The following LRMDA variants were observed in gnomAD, a reference collection of about 807,000 sequenced individuals.
LRMDA encodes the protein leucine rich melanocyte differentiation associated, also known as leucine-rich melanocyte differentiation-associated protein.
A neutral mutation model predicts 29.8 loss-of-function variants in LRMDA; 18 were observed. The ratio of observed to expected loss-of-function variants is 0.60; its 90% confidence interval spans 0.42 to 0.90. The LOEUF (loss-of-function observed/expected upper bound fraction) is 0.90. LRMDA is among the 40% of genes least tolerant of loss of function. The probability of loss-of-function intolerance (pLI) is 0.00; values close to 1 mark genes in which losing one functional copy is unlikely to be tolerated. For synonymous variants in LRMDA, 125 were observed against 109.4 expected, an observed-to-expected ratio of 1.14 and a Z score of -0.89; for missense variants, 273 against 273.9, an observed-to-expected ratio of 1.00 and a Z score of 0.02.
At chr10:75,872,581 G>A (rs1023610780) in intron 2 of LRMDA, among the ~76,000 whole-genome samples, 2 of 152,158 alleles carry the variant, frequency 1.3e-5, no homozygotes, top group African/African-American at 4.8e-5. Context: ...TGGGATTACA[G>A]GTGTGAGCCA....
At chr10:76,240,184 ACACACACAC>A (rs1345497241) in intron 5 of LRMDA, among the ~76,000 whole-genome samples, 1 of 147,074 alleles carries the variant, frequency 6.8e-6, no homozygotes, top group African/African-American at 2.7e-5. Flanking sequence ...TCGCATACAC[ACACACACAC>A]CACACACACA....
intron 2 of LRMDA, among the ~76,000 whole-genome samples, chr10:75,666,222 A>T (rs1841820149): frequency 6.6e-6 from 1 of 152,134 alleles, no homozygotes; most frequent in African/African-American, 2.4e-5. Flanking sequence ...ATCTGAAAAA[A>T]TATCTGAATT....
intron 1 of LRMDA, 58 bp downstream of exon 1, chr10:75,431,812 C>T (rs1398609761): frequency 1.5e-6 from 2 of 1,291,990 alleles, no homozygotes; most frequent in Admixed American, 3.8e-5. Flanking sequence ...GGAGGGACAG[C>T]GGGGCACAGA....
chr10:75,483,867 G>GTTTT (rs548925147), intron 2 of LRMDA, among the ~76,000 whole-genome samples: 1,453 of 119,114 alleles, frequency 0.012, 44 homozygotes, highest in African/African-American at 0.042. Context: ...GTATGGAGAG[G>GTTTT]TTTTTTTTTT....
At chr10:75,880,143 A>G (rs764920589) in intron 2 of LRMDA, among the ~76,000 whole-genome samples, 12 of 152,190 alleles carry the variant, frequency 7.9e-5, no homozygotes, top group South Asian at 2.1e-4. Context: ...TGTTTCTTCC[A>G]GTCATTGTTA....
intron 2 of LRMDA, among the ~76,000 whole-genome samples, chr10:75,705,832 C>T (rs926283878): frequency 6.6e-6 from 1 of 152,048 alleles, no homozygotes; most frequent in Non-Finnish European, 1.5e-5. Flanking sequence ...AGGTTTTGCT[C>T]CCAGTTTTCT....
At chr10:75,557,420 C>A (rs145704306) in intron 2 of LRMDA, among the ~76,000 whole-genome samples, 1 of 151,974 alleles carries the variant, frequency 6.6e-6, no homozygotes. Flanking sequence ...ACCAATAAAG[C>A]CTGACTTTTT....
At chr10:75,624,393 G>GT (rs1841225526) in intron 2 of LRMDA, among the ~76,000 whole-genome samples, 1 of 152,158 alleles carries the variant, frequency 6.6e-6, no homozygotes, top group African/African-American at 2.4e-5. Context: ...GGTTTTATAA[G>GT]TTTTAGAGTA....
At chr10:75,466,254 A>G (rs184371353) in intron 2 of LRMDA, among the ~76,000 whole-genome samples, 158 of 152,320 alleles carry the variant, frequency 1.0e-3, no homozygotes, top group Middle Eastern at 3.4e-3. Flanking sequence ...GGAGATTGCA[A>G]AAGGTAGTGT....
intron 6 of LRMDA, among the ~76,000 whole-genome samples, chr10:76,331,522 T>C (rs930701752): frequency 1.3e-5 from 2 of 152,072 alleles, no homozygotes; most frequent in African/African-American, 4.8e-5. Context: ...CTGTGGATAA[T>C]GTATTGAAAA....
intron 6 of LRMDA, among the ~76,000 whole-genome samples, chr10:76,518,280 C>CATCCATCT (rs1554825370): frequency 2.7e-5 from 4 of 146,570 alleles, no homozygotes; most frequent in African/African-American, 1.0e-4. Context: ...ATTTATCTAT[C>CATCCATCT]ATCTATCTAT....
At chr10:75,665,209 G>A (rs1006114279) in intron 2 of LRMDA, among the ~76,000 whole-genome samples, 5 of 152,252 alleles carry the variant, frequency 3.3e-5, no homozygotes, top group East Asian at 1.9e-4. Context: ...TGTTGTCAGC[G>A]GTAGAATTCT....
intron 6 of LRMDA, among the ~76,000 whole-genome samples, chr10:76,437,117 A>G (rs1405347397): frequency 6.6e-6 from 1 of 152,232 alleles, no homozygotes; most frequent in Non-Finnish European, 1.5e-5. Flanking sequence ...TAAAAAAATA[A>G]ATAAATAAAA....
chr10:75,625,649 C>A (rs1268002749), intron 2 of LRMDA, among the ~76,000 whole-genome samples: 1 of 152,158 alleles, frequency 6.6e-6, no homozygotes, highest in Non-Finnish European at 1.5e-5. Context: ...TTGTTAATTT[C>A]TCTTTCTAGG....
intron 5 of LRMDA, among the ~76,000 whole-genome samples, chr10:76,250,692 A>T (rs1211386156): frequency 6.6e-6 from 1 of 152,146 alleles, no homozygotes; most frequent in Non-Finnish European, 1.5e-5. Flanking sequence ...TTAGATAAGA[A>T]ATTATTTTTT....
intron 5 of LRMDA, among the ~76,000 whole-genome samples, chr10:76,253,619 A>C (rs1852527263): frequency 6.6e-6 from 1 of 152,178 alleles, no homozygotes; most frequent in African/African-American, 2.4e-5. Context: ...CAACGTGCTC[A>C]TATATCATAT....
chr10:76,239,512 A>T (rs1194697223), intron 5 of LRMDA, among the ~76,000 whole-genome samples: 1 of 151,966 alleles, frequency 6.6e-6, no homozygotes, highest in Non-Finnish European at 1.5e-5. Context: ...TATCCCTTTG[A>T]TCTTTTTTAG....
intron 2 of LRMDA, among the ~76,000 whole-genome samples, chr10:75,686,198 T>C (rs377587794): frequency 1.3e-5 from 2 of 152,074 alleles, no homozygotes; most frequent in African/African-American, 4.8e-5. Flanking sequence ...GCAGGTGATG[T>C]GATTGTACCA....
At chr10:76,028,161 A>G (rs982341545) in intron 2 of LRMDA, among the ~76,000 whole-genome samples, 3 of 152,206 alleles carry the variant, frequency 2.0e-5, no homozygotes, top group African/African-American at 7.2e-5. Context: ...TGACAAAACT[A>G]TGTTAAAATC....
Sources: allele counts gnomAD v4.1 joint callset (sites outside exome capture counted in the v4.1 genomes callset), GRCh38; gene constraint gnomAD v4.1.1; transcripts MANE v1.5; gene names NCBI Gene and HGNC (gene_info 2026-07-23, HGNC 2026-07-21).